MYBPC1: variants seen among roughly 807,000 people sequenced by gnomAD.
MYBPC1 encodes the protein myosin binding protein C1.
A neutral mutation model predicts 147.1 loss-of-function variants in MYBPC1; 52 were observed. The ratio of observed to expected loss-of-function variants is 0.35; its 90% CI spans 0.28 to 0.45. The LOEUF is 0.45. MYBPC1 is among the 20% of genes least tolerant of loss of function. MYBPC1 has a pLI of 1.00. For missense variants in MYBPC1, 1,228 were observed against 1,440.3 expected (o/e 0.85, Z 2.39); for synonymous variants, 477 against 475.9 (o/e 1.00, Z -0.03).
At chr12:101,669,217 A>G (rs7303775) in intron 23 of MYBPC1, among the ~76,000 whole-genome samples, 31,138 of 152,200 alleles carry the variant, frequency 0.2, 3,751 homozygotes, top group Middle Eastern at 0.34. Context: ...ACACTGCAGT[A>G]CAATGGTTGT....
At chr12:101,661,915 AG>A (rs1418304150) in intron 20 of MYBPC1, among the ~76,000 whole-genome samples, 10 of 10,420 alleles carry the variant, frequency 9.6e-4, no homozygotes, top group African/African-American at 1.7e-3. Flanking sequence ...AAAAAAAAAA[AG>A]AAAGAAAAAA....
chr12:101,632,613 G>A (rs1890137587), intron 8 of MYBPC1, among the ~76,000 whole-genome samples: 1 of 152,168 alleles, frequency 6.6e-6, no homozygotes, highest in Non-Finnish European at 1.5e-5. Flanking sequence ...CATACGATGA[G>A]GTTGGAAAAA....
rs549215932 is a variant in MYBPC1 at position 101,614,375 on chromosome 12, C to T, written c.26-121C>T. On this transcript the variant is annotated intron_variant, in intron 1 of 31. Coordinates refer to ENST00000361466, the MANE Select transcript of MYBPC1 (RefSeq NM_002465.4). ...AGAGAATGTGTTTCCCTCCTCCATC[C>T]CTCTTGTGAGTACACACAGGTGAGA... The T allele has an allele frequency of 1.6e-5, 15 of 959,854 alleles. No individual in the cohort carries two copies. The East Asian group carries it at 3.3e-4, about 21-fold the overall frequency. The allele number at this position is 959,854 out of a possible 1,614,324, so 59.5% of individuals were successfully genotyped here.
chr12:101,689,629 A>T (rs1329135025), downstream of MYBPC1, among the ~76,000 whole-genome samples: 1 of 152,182 alleles, frequency 6.6e-6, no homozygotes, highest in African/African-American at 2.4e-5. Flanking sequence ...AAGAGGAAAG[A>T]AAAAGAACAA....
At chr12:101,611,296 A>G (rs1884198029) in intron 1 of MYBPC1, among the ~76,000 whole-genome samples, 3 of 152,218 alleles carry the variant, frequency 2.0e-5, no homozygotes, top group Non-Finnish European at 4.4e-5. Flanking sequence ...TAAGCCCTTT[A>G]AATTATCATT....
At chr12:101,636,182 T>C (rs920341826) in intron 9 of MYBPC1, among the ~76,000 whole-genome samples, 1 of 152,214 alleles carries the variant, frequency 6.6e-6, no homozygotes, top group Admixed American at 6.5e-5. Context: ...GATTCATCTG[T>C]TCATGGACAC....
intron 12 of MYBPC1, among the ~76,000 whole-genome samples, chr12:101,646,424 G>A (rs920221601): frequency 1.2e-4 from 19 of 152,042 alleles, no homozygotes; most frequent in African/African-American, 4.3e-4. Context: ...AGGCAGGAAC[G>A]CTTGAACCGA....
intron 23 of MYBPC1, among the ~76,000 whole-genome samples, chr12:101,668,833 T>A (rs1897994892): frequency 6.6e-6 from 1 of 152,146 alleles, no homozygotes; most frequent in Non-Finnish European, 1.5e-5. Context: ...ATGCCTGTAA[T>A]TCCAGTATTT....
At chr12:101,631,995 G>T in intron 7 of MYBPC1, 26 bp from the exon 8 acceptor site, 1 of 1,531,070 alleles carries the variant, frequency 6.5e-7, no homozygotes, top group Non-Finnish European at 9.1e-7. Flanking sequence ...ACTGAAATGT[G>T]TGTGTCTGGA....
rs763860268 is a variant in MYBPC1 at position 101,662,367 on chromosome 12, T to C, written c.2042T>C (p.Ile681Thr). ...TTTTGCATACCTGCAGGATATTTTA[T>C]TGAGAGGAAGAAGAAACAAAGCTCC... ...DGGSPILGYF[I>T]ERKKKQSSRW... is the part of the protein sequence containing the mutation. The change falls in exon 21 of 32, where the codon ATT becomes ACT. Residue 681 changes from isoleucine (I) to threonine (T), a missense_variant. Coordinates refer to ENST00000361466, the MANE Select transcript of MYBPC1 (RefSeq NM_002465.4). 6 of 1,614,058 alleles carry C rather than the reference T, an allele frequency of 3.7e-6. No homozygotes were observed. In the South Asian group the frequency reaches 5.5e-5, roughly 15 times the overall value.
At chr12:101,610,285 A>G (rs1883766973) in intron 1 of MYBPC1, among the ~76,000 whole-genome samples, 1 of 152,202 alleles carries the variant, frequency 6.6e-6, no homozygotes, top group Non-Finnish European at 1.5e-5. Context: ...TCGTTGATTG[A>G]TCTACTTATC....
At chr12:101,645,219 C>A (rs926446313) in intron 12 of MYBPC1, among the ~76,000 whole-genome samples, 2 of 152,126 alleles carry the variant, frequency 1.3e-5, no homozygotes, top group African/African-American at 2.4e-5. Flanking sequence ...TGGGTGAATA[C>A]CTTCTATTTT....
downstream of MYBPC1, among the ~76,000 whole-genome samples, chr12:101,686,344 C>T (rs1187580788): frequency 6.6e-6 from 1 of 152,208 alleles, no homozygotes; most frequent in East Asian, 1.9e-4. Flanking sequence ...GGTCTGCCCT[C>T]CCTGTGTCTC....
At chr12:101,629,639 C>T in intron 6 of MYBPC1, 95 bp downstream of exon 6, 2 of 831,414 alleles carry the variant, frequency 2.4e-6, no homozygotes, top group Non-Finnish European at 2.0e-6. Context: ...CTGGGAGGTC[C>T]AGACAGGCAG....
At chr12:101,671,834 C>T (rs536265374) in intron 24 of MYBPC1, among the ~76,000 whole-genome samples, 79 of 152,270 alleles carry the variant, frequency 5.2e-4, no homozygotes, top group Non-Finnish European at 9.1e-4. Flanking sequence ...ACTGTTCAGC[C>T]CCCAGGAAGG....
chr12:101,662,761 A>G (rs993806876), intron 21 of MYBPC1, among the ~76,000 whole-genome samples: 3 of 152,220 alleles, frequency 2.0e-5, no homozygotes, highest in Admixed American at 6.5e-5. Flanking sequence ...GGAATTCGTT[A>G]CCATAATTCC....
chr12:101,645,428 C>T (rs924128349), intron 12 of MYBPC1, among the ~76,000 whole-genome samples: 1 of 152,168 alleles, frequency 6.6e-6, no homozygotes, highest in Non-Finnish European at 1.5e-5. Context: ...TTACAGAGAT[C>T]CTCCTCAGCC....
intron 25 of MYBPC1, among the ~76,000 whole-genome samples, chr12:101,674,571 C>T (rs972026087): frequency 3.9e-5 from 6 of 151,900 alleles, no homozygotes; most frequent in African/African-American, 1.5e-4. Flanking sequence ...TTTGCAACGT[C>T]AAGAAATAAA....
At chr12:101,623,247 A>G (rs2695300) in intron 3 of MYBPC1, among the ~76,000 whole-genome samples, 72,581 of 151,888 alleles carry the variant, frequency 0.48, 17,872 homozygotes, top group East Asian at 0.67. Context: ...GTTGAGGCAC[A>G]AGAATTGCTT....
Sources: allele counts gnomAD v4.1 joint callset (sites outside exome capture counted in the v4.1 genomes callset), GRCh38; gene constraint gnomAD v4.1.1; transcripts MANE v1.5; gene names NCBI Gene and HGNC (gene_info 2026-07-23, HGNC 2026-07-21).